Variants in FILIP1 observed in about 807,000 individuals in gnomAD.
FILIP1 encodes filamin A interacting protein 1, also known as filamin-A-interacting protein 1.
In FILIP1, 61 loss-of-function variants were observed where a neutral mutation model predicts 102.1. That is an observed-to-expected ratio of 0.60 (90% confidence interval 0.49 to 0.74). The LOEUF (loss-of-function observed/expected upper bound fraction) is 0.74. Among genes scored for constraint, FILIP1 ranks in the 30% least tolerant of loss-of-function variants. FILIP1 has a pLI of 0.00. For synonymous variants in FILIP1, 491 were observed against 526.9 expected (o/e 0.93, Z 0.93); for missense variants, 1,314 against 1,441.2 (o/e 0.91, Z 1.43).
intron 2 of FILIP1, among the ~76,000 whole-genome samples, chr6:75,409,336 G>A (rs1414010179): frequency 6.6e-6 from 1 of 152,106 alleles, no homozygotes; most frequent in Non-Finnish European, 1.5e-5. Flanking sequence ...ACACTTCAAA[G>A]GCGCCTTAGA....
At chr6:75,487,283 G>A (rs575727541) in intron 1 of FILIP1, among the ~76,000 whole-genome samples, 1 of 152,282 alleles carries the variant, frequency 6.6e-6, no homozygotes, top group African/African-American at 2.4e-5. Context: ...CTGATGAGCA[G>A]ACCATCTTTG....
At chr6:75,455,163 T>A (rs78540697) in intron 1 of FILIP1, 1,874 of 152,532 alleles carry the variant, frequency 0.012, 34 homozygotes, top group African/African-American at 0.042. Context: ...ACATCTCTTT[T>A]AATGCTTGTA....
intron 1 of FILIP1, among the ~76,000 whole-genome samples, chr6:75,462,886 C>A (rs991300136): frequency 6.6e-6 from 1 of 152,132 alleles, no homozygotes; most frequent in Non-Finnish European, 1.5e-5. Flanking sequence ...ACCACAGTGG[C>A]CCAAGAGCAG....
At chr6:75,489,859 T>C (rs928902933) in intron 1 of FILIP1, among the ~76,000 whole-genome samples, 1 of 152,082 alleles carries the variant, frequency 6.6e-6, no homozygotes, top group Non-Finnish European at 1.5e-5. Flanking sequence ...ACTGCAGGCT[T>C]TTAGATGTCA....
At chr6:75,406,008 C>A (rs1403385729) in intron 2 of FILIP1, among the ~76,000 whole-genome samples, 3 of 152,188 alleles carry the variant, frequency 2.0e-5, no homozygotes, top group Non-Finnish European at 2.9e-5. Context: ...ATGGGCTTAA[C>A]CTCACTAAAA....
chr6:75,410,567 G>T (rs537614628), intron 2 of FILIP1, among the ~76,000 whole-genome samples: 2 of 151,956 alleles, frequency 1.3e-5, no homozygotes, highest in African/African-American at 4.8e-5. Flanking sequence ...ACCTCTGACA[G>T]GCCCCAGTGT....
intron 4 of FILIP1, among the ~76,000 whole-genome samples, chr6:75,331,296 CT>C (rs1332547172): frequency 1.3e-5 from 2 of 152,144 alleles, no homozygotes; most frequent in African/African-American, 2.4e-5. Flanking sequence ...CTGGTATTTT[CT>C]GATAATTTGC....
intron 4 of FILIP1, among the ~76,000 whole-genome samples, chr6:75,335,465 T>A (rs1774210613): frequency 6.6e-6 from 1 of 151,524 alleles, no homozygotes; most frequent in South Asian, 2.1e-4. Flanking sequence ...TCTCTGTTTT[T>A]TCTTTTCTTT....
At chr6:75,348,165 A>G (rs1774660850) in intron 4 of FILIP1, among the ~76,000 whole-genome samples, 1 of 151,716 alleles carries the variant, frequency 6.6e-6, no homozygotes, top group Non-Finnish European at 1.5e-5. Context: ...CTATTTTGAC[A>G]TTCTTGGAGC....
At chr6:75,342,641 G>C (rs1022685109) in intron 4 of FILIP1, among the ~76,000 whole-genome samples, 1 of 152,166 alleles carries the variant, frequency 6.6e-6, no homozygotes, top group Non-Finnish European at 1.5e-5. Context: ...GGACCATTAG[G>C]AAGGTGGATG....
rs767280732 is a variant in FILIP1 at position 75,313,798 on chromosome 6, A to G, written c.2034T>C (p.Ser678=). 2 of 1,609,190 alleles carry G rather than the reference A, an allele frequency of 1.2e-6. No homozygotes were observed. The highest frequency in any genetic ancestry group is 1.7e-6 in the Non-Finnish European group (2 of 1,178,494). ...RTEQDKANFL[S]QQLEEIKHQI... is the part of the protein sequence containing the mutation. ...GGTGCTTGATCTCCTCTAGTTGTTGAGAGAGGAAGTTAGCCTTATCCTGCT... is the reference window on the plus strand; with the variant it reads ...GGTGCTTGATCTCCTCTAGTTGTTGGGAGAGGAAGTTAGCCTTATCCTGCT... Residue 678 remains serine (S), a synonymous_variant, in exon 5 of 6, where the codon TCT becomes TCC. Transcript: ENST00000237172. This position sits in a 1 kb window ranked among gnomAD's most constrained non-coding sequence, Gnocchi z 4.2.
chr6:75,380,239 T>C (rs1037591739), intron 2 of FILIP1, among the ~76,000 whole-genome samples: 2 of 149,376 alleles, frequency 1.3e-5, no homozygotes, highest in African/African-American at 2.4e-5. Flanking sequence ...TTGTAACAAC[T>C]ATGAAAGATA....
chr6:75,491,361 T>C (rs1448482445), intron 1 of FILIP1, among the ~76,000 whole-genome samples: 1 of 152,074 alleles, frequency 6.6e-6, no homozygotes, highest in African/African-American at 2.4e-5. Context: ...AAAAGTTAAG[T>C]AGGTGCCAGA....
chr6:75,406,341 T>C (rs1776843534), intron 2 of FILIP1, among the ~76,000 whole-genome samples: 1 of 152,210 alleles, frequency 6.6e-6, no homozygotes, highest in Non-Finnish European at 1.5e-5. Flanking sequence ...TCTGATTCTG[T>C]TCATGTTGGC....
At chr6:75,308,983 C>A in intron 5 of FILIP1, 86 bp from the exon 6 acceptor site, 1 of 1,441,144 alleles carries the variant, frequency 6.9e-7, no homozygotes, top group Non-Finnish European at 9.6e-7. Flanking sequence ...TAGTGGGACT[C>A]TTGCCACACA....
chr6:75,299,110 G>A (rs549437448), intron 6 of FILIP1, among the ~76,000 whole-genome samples: 1 of 150,524 alleles, frequency 6.6e-6, no homozygotes, highest in African/African-American at 2.4e-5. Context: ...GTCTGTTCCT[G>A]TCTTTTTGTA....
At chr6:75,307,023 G>A (rs974768188), downstream of FILIP1, among the ~76,000 whole-genome samples, 6 of 152,048 alleles carry the variant, frequency 3.9e-5, no homozygotes, top group East Asian at 7.7e-4. Context: ...GGCTGGTCTC[G>A]AACTCCTGGC....
At chr6:75,441,376 A>G (rs1778216160) in intron 1 of FILIP1, among the ~76,000 whole-genome samples, 1 of 152,114 alleles carries the variant, frequency 6.6e-6, no homozygotes, top group Admixed American at 6.5e-5. Flanking sequence ...TCCCATGTCT[A>G]CTTCTTTCTA....
rs13213208 is a variant in FILIP1, at chr6:75,359,928, T to C, written c.450+2816A>G. ...GTCTTAAATACTCAGGTGGGAAAAA[T>C]TGAGTACCTAAAATGAGACCTAGGC... On this transcript the variant is annotated intron_variant, in intron 3 of 5. Coordinates refer to ENST00000237172, the MANE Select transcript of FILIP1 (RefSeq NM_015687.5). Among the ~76,000 whole-genome samples the C allele has an allele frequency of 5.0e-3, 760 of 152,088 alleles. 8 individuals are homozygous for C. The highest frequency in any genetic ancestry group is 8.6e-3 in the Non-Finnish European group (588 of 67,992).
Sources: allele counts gnomAD v4.1 joint callset (sites outside exome capture counted in the v4.1 genomes callset), GRCh38; gene constraint gnomAD v4.1.1; non-coding constraint Gnocchi (gnomAD v3.1); transcripts MANE v1.5; gene names NCBI Gene and HGNC (gene_info 2026-07-23, HGNC 2026-07-21).